SGCZ: variants seen among roughly 807,000 people sequenced by gnomAD.
The protein encoded by SGCZ is zeta-sarcoglycan.
In SGCZ, 40 loss-of-function variants were observed where a neutral mutation model predicts 41.3. The observed-to-expected ratio is 0.97, with a 90% CI of 0.75 to 1.26. SGCZ has a LOEUF of 1.26. SGCZ is among the 50% of genes most tolerant of loss of function. The probability of loss-of-function intolerance (pLI) is 0.00; values close to 1 mark genes in which losing one functional copy is unlikely to be tolerated. For synonymous variants in SGCZ, 206 were observed against 137.5 expected, an observed-to-expected ratio of 1.50 and a Z score of -3.49; for missense variants, 552 against 369.8, an observed-to-expected ratio of 1.49 and a Z score of -4.04.
chr8:14,143,588 A>G (rs1803436083), intron 5 of SGCZ, among the ~76,000 whole-genome samples: 1 of 152,222 alleles, frequency 6.6e-6, no homozygotes, highest in South Asian at 2.1e-4. Context: ...GATAGCAGAC[A>G]TGTAGGCTCC....
chr8:14,859,567 C>G (rs1184669159), intron 1 of SGCZ, among the ~76,000 whole-genome samples: 2 of 152,088 alleles, frequency 1.3e-5, no homozygotes, highest in Non-Finnish European at 2.9e-5. Context: ...GGTTTCCTTC[C>G]TTCTATTACA....
At chr8:14,783,699 AGGGTTTTTGCTGTTGTTGTTTGT>A in intron 1 of SGCZ, among the ~76,000 whole-genome samples, 1 of 152,122 alleles carries the variant, frequency 6.6e-6, no homozygotes, top group African/African-American at 2.4e-5. Flanking sequence ...GATCAGTTTA[AGGGTTTTTGCTGTTGTTGTTTGT>A]TTTTCTATCT....
At chr8:14,731,124 T>C (rs577711294) in intron 1 of SGCZ, among the ~76,000 whole-genome samples, 1 of 151,702 alleles carries the variant, frequency 6.6e-6, no homozygotes, top group Admixed American at 6.6e-5. Context: ...AGCAAAAACA[T>C]GGAACTAACC....
chr8:14,727,821 C>T (rs967824585), intron 1 of SGCZ, among the ~76,000 whole-genome samples: 2 of 152,126 alleles, frequency 1.3e-5, no homozygotes, highest in Non-Finnish European at 1.5e-5. Flanking sequence ...TTCTTTTTAG[C>T]TTCATAATCG....
rs1443577154 is a variant in SGCZ at position 14,088,075 on chromosome 8, T to A, written c.*2368A>T. ...GTTTTTACATCTTTTTTTCTCACTT[T>A]TTTTTTCATCTTTTCTCCTCTTATG... On this transcript the variant is annotated 3_prime_UTR_variant, in exon 8 of 8. Transcript: ENST00000382080. 6.6e-6 allele frequency among the ~76,000 whole-genome samples: 1 copy of A among 151,858 alleles called. No homozygotes were observed. Among genetic ancestry groups the A allele is most frequent in the African/African-American group, 2.4e-5 (1 of 41,432 alleles).
chr8:15,145,229 T>C (rs1188117271), intron 1 of SGCZ, among the ~76,000 whole-genome samples: 1 of 152,196 alleles, frequency 6.6e-6, no homozygotes, highest in Non-Finnish European at 1.5e-5. Context: ...TTTGTACCTA[T>C]AGCTGATCAA....
At chr8:15,196,638 AT>A (rs199654380) in intron 1 of SGCZ, among the ~76,000 whole-genome samples, 2 of 141,274 alleles carry the variant, frequency 1.4e-5, no homozygotes, top group Middle Eastern at 3.6e-3. Context: ...TTATTTATTT[AT>A]TTATTATTAT....
At chr8:14,223,669 G>C (rs765447671) in intron 4 of SGCZ, among the ~76,000 whole-genome samples, 7 of 152,092 alleles carry the variant, frequency 4.6e-5, no homozygotes, top group Non-Finnish European at 1.0e-4. Context: ...TTAGCACCCA[G>C]CAGCATTCTC....
Position 14,433,972 on chromosome 8 carries a change from T to G in SGCZ, c.235-109768A>C, listed in dbSNP as rs938719496. On this transcript the variant is annotated intron_variant, in intron 2 of 7. Coordinates refer to ENST00000382080, the MANE Select transcript of SGCZ (RefSeq NM_139167.4). Reference sequence around the variant, plus strand: ...TTTTACCATGCAAAAGCTCTTTCGTTTAAGTCCCAGCTATTTATTTTTATT... The same window carrying G: ...TTTTACCATGCAAAAGCTCTTTCGTGTAAGTCCCAGCTATTTATTTTTATT... Among the ~76,000 whole-genome samples the G allele has an allele frequency of 6.6e-5, 10 of 152,302 alleles. No individual in the cohort carries two copies. In the East Asian group the frequency reaches 1.9e-3, roughly 29 times the overall value.
chr8:14,455,935 G>C (rs186273000), intron 2 of SGCZ, among the ~76,000 whole-genome samples: 3 of 152,304 alleles, frequency 2.0e-5, no homozygotes, highest in Admixed American at 2.0e-4. Context: ...GTTCAAATTA[G>C]TCACATTTAT....
At chr8:14,111,936 T>G (rs367975490) in intron 5 of SGCZ, among the ~76,000 whole-genome samples, 2 of 152,320 alleles carry the variant, frequency 1.3e-5, no homozygotes. Flanking sequence ...AAATTAAATG[T>G]AAGCACCTCT....
At chr8:14,311,200 G>A (rs1801530174) in intron 3 of SGCZ, among the ~76,000 whole-genome samples, 1 of 152,002 alleles carries the variant, frequency 6.6e-6, no homozygotes, top group Non-Finnish European at 1.5e-5. Flanking sequence ...TTAGTGTAGA[G>A]GACCTGATTT....
intron 1 of SGCZ, among the ~76,000 whole-genome samples, chr8:15,053,675 G>A (rs986957691): frequency 1.3e-5 from 2 of 152,084 alleles, no homozygotes; most frequent in African/African-American, 2.4e-5. Context: ...TATTTGGGGG[G>A]GTTGGGGGCT....
At chr8:14,243,592 TCTCTACTTCAC>T (rs1239613977) in intron 3 of SGCZ, among the ~76,000 whole-genome samples, 6 of 152,196 alleles carry the variant, frequency 3.9e-5, no homozygotes, top group African/African-American at 1.4e-4. Flanking sequence ...TACTTTTCTA[TCTCTACTTCAC>T]CTCACTTCCG....
intron 4 of SGCZ, among the ~76,000 whole-genome samples, chr8:14,222,964 A>C (rs184609023): frequency 0.011 from 1,629 of 151,656 alleles, 21 homozygotes; most frequent in Middle Eastern, 0.031. Flanking sequence ...GGCACGTACC[A>C]CCACACCCAG....
intron 1 of SGCZ, among the ~76,000 whole-genome samples, chr8:14,809,546 G>A (rs753249064): frequency 1.3e-5 from 2 of 152,058 alleles, no homozygotes; most frequent in Non-Finnish European, 2.9e-5. Flanking sequence ...CCTTAATGAA[G>A]TTTTGACAAT....
chr8:14,929,956 A>C (rs1380730552), intron 1 of SGCZ, among the ~76,000 whole-genome samples: 2 of 151,958 alleles, frequency 1.3e-5, no homozygotes, highest in Non-Finnish European at 2.9e-5. Context: ...ACTATTTAAA[A>C]CTTGGATGTT....
chr8:15,074,095 T>A (rs1187144718), intron 1 of SGCZ, among the ~76,000 whole-genome samples: 1 of 152,170 alleles, frequency 6.6e-6, no homozygotes, highest in African/African-American at 2.4e-5. Context: ...CATTGTGGCC[T>A]AAGGACAAAG....
intron 1 of SGCZ, among the ~76,000 whole-genome samples, chr8:15,055,727 G>A (rs956733991): frequency 5.3e-5 from 8 of 152,078 alleles, no homozygotes; most frequent in African/African-American, 9.7e-5. Flanking sequence ...CAATGCTTGC[G>A]CAGCTCTCCA....
Sources: gnomAD v4.1 joint callset for allele counts (sites outside exome capture counted in the v4.1 genomes callset) on GRCh38, gnomAD v4.1.1 for gene constraint, MANE v1.5 for transcripts, NCBI Gene and HGNC (gene_info 2026-07-23, HGNC 2026-07-21) for gene names.